NBPF3: variants seen among roughly 807,000 people sequenced by gnomAD.
NBPF3 encodes NBPF family member NBPF3.
A neutral mutation model predicts 78.1 loss-of-function variants in NBPF3; 57 were observed. The observed-to-expected ratio is 0.73, with a 90% confidence interval of 0.59 to 0.91. The LOEUF is 0.91. NBPF3 is among the 40% of genes least tolerant of loss of function. The pLI is 0.00. For synonymous variants in NBPF3, 182 were observed against 271.7 expected (o/e 0.67, Z 3.25); for missense variants, 510 against 715.3 (o/e 0.71, Z 3.27).
At position 21,473,576 on chromosome 1, in the gene NBPF3, A is replaced by G. The variant is rs1214936600; in HGVS notation, c.931A>G (p.Ile311Val). The change falls in exon 7 of 15, where the codon ATT becomes GTT. Residue 311 changes from isoleucine to valine, a missense_variant. Around this residue, in one of 5 missense-constraint regions of NBPF3, gnomAD observed 440 missense variants for 478.2 expected, o/e 0.92. Transcript: ENST00000318249. ...TGATGAATGGTTGGATGCTGTATGC[A>G]TTATCCCAGGTAGCCTCTATTTTCC... ...SHDEWLDAVC[I>V]IPENESDHEQ... 6.2e-6 allele frequency: 10 copies of G among 1,613,950 alleles called. No individual in the cohort carries two copies. Among genetic ancestry groups the G allele is most frequent in the East Asian group, 2.2e-5 (1 of 44,882 alleles).
At chr1:21,461,128 T>C (rs1342987467) in intron 2 of NBPF3, among the ~76,000 whole-genome samples, 6 of 152,194 alleles carry the variant, frequency 3.9e-5, no homozygotes, top group Non-Finnish European at 8.8e-5. Flanking sequence ...ACATCTTTCA[T>C]AGAAATGTAA....
intron 2 of NBPF3, among the ~76,000 whole-genome samples, chr1:21,445,727 TGCCAGTATAATGGGTTAAAAGTG>T (rs1410206369): frequency 6.6e-6 from 1 of 152,154 alleles, no homozygotes; most frequent in Non-Finnish European, 1.5e-5. Flanking sequence ...ATGGCTCAGT[TGCCAGTATAATGGGTTAAAAGTG>T]GCCACTTTTG....
chr1:21,474,326 C>T (rs1273728685), intron 7 of NBPF3, among the ~76,000 whole-genome samples: 1 of 152,006 alleles, frequency 6.6e-6, no homozygotes, highest in Non-Finnish European at 1.5e-5. Context: ...GCCTCAGCCT[C>T]CTGAGTCGCT....
intron 3 of NBPF3, 27 bp from the exon 4 acceptor site, chr1:21,470,605 G>C (rs1371550571): frequency 6.5e-7 from 1 of 1,550,384 alleles, no homozygotes; most frequent in Non-Finnish European, 8.8e-7. Context: ...GCCTTTCACT[G>C]AGGCAGGCGT....
At chr1:21,470,363 G>A (rs1404560932) in intron 3 of NBPF3, among the ~76,000 whole-genome samples, 1 of 152,166 alleles carries the variant, frequency 6.6e-6, no homozygotes, top group Admixed American at 6.5e-5. Flanking sequence ...AGACCTCAGG[G>A]GCTGTGAATT....
chr1:21,440,948 C>A (rs1325970514), intron 1 of NBPF3: 1 of 152,276 alleles, frequency 6.6e-6, no homozygotes, highest in East Asian at 1.9e-4. Context: ...TGTTTGCACT[C>A]CGAGGAGTTG....
At chr1:21,455,995 GTCACACTTT>G (rs1641579398) in intron 2 of NBPF3, among the ~76,000 whole-genome samples, 1 of 152,126 alleles carries the variant, frequency 6.6e-6, no homozygotes, top group African/African-American at 2.4e-5. Flanking sequence ...AGGAATAAGT[GTCACACTTT>G]TCAATAAGGC....
At chr1:21,438,195 C>T (rs1424284500), upstream of NBPF3, among the ~76,000 whole-genome samples, 4 of 151,880 alleles carry the variant, frequency 2.6e-5, no homozygotes, top group African/African-American at 9.7e-5. Context: ...TCACTGCAAC[C>T]TCCGCCTCCT....
upstream of NBPF3, chr1:21,436,852 G>C (rs1448923493): frequency 1.4e-5 from 11 of 809,222 alleles, no homozygotes; most frequent in East Asian, 3.4e-5. This position sits in a 1 kb window ranked among gnomAD's most constrained non-coding sequence, Gnocchi z 4.3. Flanking sequence ...CAGAGGCCCG[G>C]GGGGAGGGGC....
At chr1:21,443,732 G>C (rs532540629) in intron 1 of NBPF3, among the ~76,000 whole-genome samples, 1 of 151,862 alleles carries the variant, frequency 6.6e-6, no homozygotes, top group African/African-American at 2.4e-5. Context: ...TCCCACCTCA[G>C]CCTCCTTAGT....
intron 2 of NBPF3, chr1:21,467,181 G>A: frequency 3.0e-6 from 3 of 985,492 alleles, no homozygotes; most frequent in Non-Finnish European, 3.6e-6. Flanking sequence ...TTTCCTTACA[G>A]TGTCATTGGA....
chr1:21,441,331 T>G (rs551785570), intron 1 of NBPF3, among the ~76,000 whole-genome samples: 39 of 152,334 alleles, frequency 2.6e-4, no homozygotes, highest in Middle Eastern at 6.8e-3. Context: ...TCTGAAATGC[T>G]GGCTTTAAGA....
chr1:21,478,374 G>A, intron 9 of NBPF3, 67 bp downstream of exon 9: 2 of 1,560,696 alleles, frequency 1.3e-6, no homozygotes, highest in Non-Finnish European at 1.8e-6. Flanking sequence ...ATAATCTTTG[G>A]GCCTTGTGAC....
chr1:21,450,185 T>G (rs1238531873), intron 2 of NBPF3, among the ~76,000 whole-genome samples: 1 of 152,228 alleles, frequency 6.6e-6, no homozygotes, highest in Non-Finnish European at 1.5e-5. Flanking sequence ...AAGCTATTTT[T>G]CCAAGTTCAC....
Position 21,445,101 on chromosome 1 carries a change from C to T in NBPF3, c.15C>T (p.Pro5=). The T allele has an allele frequency of 6.2e-7, 1 of 1,611,656 alleles. No individual in the cohort carries two copies. The highest frequency in any genetic ancestry group is 8.5e-7 in the Non-Finnish European group (1 of 1,179,668). Residue 5 remains proline, a synonymous_variant, in exon 2 of 15, where the codon CCC becomes CCT. Coordinates refer to ENST00000318249, the MANE Select transcript of NBPF3 (RefSeq NM_032264.6). The part of the protein sequence containing the change: MPLT[P]TVQGFQWTLR... Reference sequence around the variant, plus strand: ...CCACACTGGGGATGCCACTGACTCCCACTGTCCAGGGCTTCCAGTGGACTC... The same window carrying T: ...CCACACTGGGGATGCCACTGACTCCTACTGTCCAGGGCTTCCAGTGGACTC...
At position 21,476,164 on chromosome 1, in the gene NBPF3, GTCTC is replaced by G. The variant is rs1274480503; in HGVS notation, c.992+1215_992+1218del. On this transcript the variant is annotated intron_variant, in intron 8 of 14. Transcript: ENST00000318249. The surrounding 1 kb of genome is among the most constrained non-coding windows in gnomAD (Gnocchi z 4.1). ...ATCCCTTTATTTTGAGCCTATGTGT[GTCTC>G]TGCACGTGAGATGGGTCTCCTGCGT... 6.6e-6 allele frequency among the ~76,000 whole-genome samples: 1 copy of G among 151,978 alleles called. No homozygotes were observed. Among genetic ancestry groups the G allele is most frequent in the Non-Finnish European group, 1.5e-5 (1 of 68,016 alleles).
At chr1:21,441,789 A>G (rs1028929726) in intron 1 of NBPF3, among the ~76,000 whole-genome samples, 1 of 152,038 alleles carries the variant, frequency 6.6e-6, no homozygotes, top group African/African-American at 2.4e-5. Context: ...AGACTGGAGT[A>G]TATTTTTGGA....
intron 1 of NBPF3, among the ~76,000 whole-genome samples, chr1:21,444,292 T>C (rs1640835640): frequency 6.6e-6 from 1 of 152,200 alleles, no homozygotes. Context: ...AAAATAAACC[T>C]TCGTATGTGT....
Position 21,476,094 on chromosome 1 carries a change from C to A in NBPF3, c.992+1143C>A, listed in dbSNP as rs1036887734. Among the ~76,000 whole-genome samples the A allele has an allele frequency of 6.0e-5, 5 of 83,034 alleles. No individual in the cohort carries two copies. The Admixed American group carries it at 7.8e-4, about 13-fold the overall frequency. The allele number at this position is 83,034 out of a possible 152,430, so 54.5% of individuals were successfully genotyped here. Reference sequence around the variant, plus strand: ...GTTTTATCAAAGACTAGGATTGCAACCCCTGCTTTTTTTTGCTCTCCATTT... The same window carrying A: ...GTTTTATCAAAGACTAGGATTGCAAACCCTGCTTTTTTTTGCTCTCCATTT... On this transcript the variant is annotated intron_variant, in intron 8 of 14. Coordinates refer to ENST00000318249, the MANE Select transcript of NBPF3 (RefSeq NM_032264.6). This position sits in a 1 kb window ranked among gnomAD's most constrained non-coding sequence, Gnocchi z 4.1.
Sources: gnomAD v4.1 joint callset for allele counts (sites outside exome capture counted in the v4.1 genomes callset) on GRCh38, gnomAD v4.1.1 for gene constraint, gnomAD v4.1.1 regional missense constraint, Gnocchi (gnomAD v3.1) non-coding constraint, MANE v1.5 for transcripts, NCBI Gene and HGNC (gene_info 2026-07-23, HGNC 2026-07-21) for gene names.